NLGN1: variants seen among roughly 807,000 people sequenced by gnomAD.
NLGN1 encodes the protein neuroligin-1.
In NLGN1, 12 loss-of-function variants were observed where a neutral mutation model predicts 65.5. That is an observed-to-expected ratio of 0.18 (90% CI 0.12 to 0.30). The LOEUF is 0.30. Among genes scored for constraint, NLGN1 ranks in the 10% least tolerant of loss-of-function variants. The pLI is 1.00. For synonymous variants in NLGN1, 350 were observed against 359.5 expected (o/e 0.97, Z 0.30); for missense variants, 750 against 1,007.1 (o/e 0.74, Z 3.46).
chr3:173,591,597 G>A (rs1224522152), intron 2 of NLGN1, among the ~76,000 whole-genome samples: 9 of 152,130 alleles, frequency 5.9e-5, no homozygotes, highest in African/African-American at 1.9e-4. Context: ...CCTCCAAGGG[G>A]TCAAGATTGA....
intron 4 of NLGN1, among the ~76,000 whole-genome samples, chr3:174,093,629 CATTT>C (rs572992452): frequency 1.6e-3 from 237 of 152,242 alleles, no homozygotes; most frequent in African/African-American, 5.6e-3. Flanking sequence ...CCACAGGAAA[CATTT>C]ATTTAAGTTG....
Position 174,074,753 on chromosome 3 carries a change from G to A in NLGN1, c.647-200562G>A, listed in dbSNP as rs997089278. Reference sequence around the variant, plus strand: ...AACGTAGTTGTGGATGATTCTTAGCGTGTAAGGGGCACATCAGACCTTCTG... The same window carrying A: ...AACGTAGTTGTGGATGATTCTTAGCATGTAAGGGGCACATCAGACCTTCTG... On this transcript the variant is annotated intron_variant, in intron 4 of 6. Coordinates refer to ENST00000457714, the Ensembl canonical transcript of NLGN1. Among the ~76,000 whole-genome samples the A allele has an allele frequency of 3.3e-5, 5 of 152,170 alleles. No homozygotes were observed. In the South Asian group the frequency reaches 6.2e-4, roughly 19 times the overall value.
At chr3:173,861,872 C>G (rs1056421144) in intron 4 of NLGN1, among the ~76,000 whole-genome samples, 1 of 151,692 alleles carries the variant, frequency 6.6e-6, no homozygotes, top group Non-Finnish European at 1.5e-5. Flanking sequence ...GATTCTCATG[C>G]CTCAGCCTCC....
chr3:173,942,312 T>C (rs1746302202), intron 4 of NLGN1, among the ~76,000 whole-genome samples: 3 of 152,144 alleles, frequency 2.0e-5, no homozygotes, highest in Non-Finnish European at 2.9e-5. Flanking sequence ...TCACATCTAC[T>C]TAATTAATTT....
At chr3:173,926,385 C>T (rs1330669622) in intron 4 of NLGN1, among the ~76,000 whole-genome samples, 1 of 152,110 alleles carries the variant, frequency 6.6e-6, no homozygotes, top group Admixed American at 6.6e-5. Flanking sequence ...TCATCATTTT[C>T]CCTAACCACA....
At chr3:173,470,810 C>T (rs1335567063) in intron 2 of NLGN1, among the ~76,000 whole-genome samples, 2 of 152,020 alleles carry the variant, frequency 1.3e-5, no homozygotes, top group Admixed American at 1.3e-4. Flanking sequence ...TGATGAAAAC[C>T]CTTGTTTATT....
At chr3:173,684,069 GTTA>G (rs1260059530) in intron 3 of NLGN1, among the ~76,000 whole-genome samples, 4 of 150,608 alleles carry the variant, frequency 2.7e-5, no homozygotes, top group Non-Finnish European at 5.9e-5. Context: ...AAAGTATATT[GTTA>G]TTATTACTTA....
intron 4 of NLGN1, among the ~76,000 whole-genome samples, chr3:173,835,625 A>G (rs1459854862): frequency 2.3e-5 from 3 of 130,442 alleles, no homozygotes; most frequent in Non-Finnish European, 5.1e-5. Flanking sequence ...TCTCTCATCT[A>G]TGCCCTTGTT....
chr3:173,941,982 C>T (rs1373823478), intron 4 of NLGN1, among the ~76,000 whole-genome samples: 1 of 151,112 alleles, frequency 6.6e-6, no homozygotes, highest in African/African-American at 2.4e-5. Flanking sequence ...TGGCTGTTTA[C>T]TCCTAGTTAC....
intron 4 of NLGN1, among the ~76,000 whole-genome samples, chr3:174,001,826 A>G (rs1579686477): frequency 6.6e-6 from 1 of 152,244 alleles, no homozygotes; most frequent in Non-Finnish European, 1.5e-5. Context: ...TTTGCTTGTT[A>G]GGGGACATTT....
At chr3:174,129,300 G>A (rs1434728321) in intron 4 of NLGN1, among the ~76,000 whole-genome samples, 1 of 150,778 alleles carries the variant, frequency 6.6e-6, no homozygotes, top group African/African-American at 2.4e-5. Context: ...ATGAATAAAT[G>A]TGATTCAACT....
chr3:173,899,178 G>A (rs1736877405), intron 4 of NLGN1, among the ~76,000 whole-genome samples: 1 of 151,966 alleles, frequency 6.6e-6, no homozygotes, highest in Non-Finnish European at 1.5e-5. Flanking sequence ...TATTATTTTA[G>A]CAAAGGCAGA....
intron 4 of NLGN1, among the ~76,000 whole-genome samples, chr3:174,213,098 A>G (rs1297896944): frequency 6.6e-6 from 1 of 152,230 alleles, no homozygotes; most frequent in African/African-American, 2.4e-5. Context: ...TAGCATATTC[A>G]CAAACTCTGA....
chr3:173,967,576 A>G (rs1715166635), intron 4 of NLGN1, among the ~76,000 whole-genome samples: 1 of 152,174 alleles, frequency 6.6e-6, no homozygotes, highest in Non-Finnish European at 1.5e-5. Flanking sequence ...TCACATTACT[A>G]TATAATTTAG....
At chr3:173,540,194 G>A (rs1738610435) in intron 2 of NLGN1, among the ~76,000 whole-genome samples, 1 of 152,052 alleles carries the variant, frequency 6.6e-6, no homozygotes, top group African/African-American at 2.4e-5. Flanking sequence ...CCCTTATAGG[G>A]ACCATTCAGA....
Position 174,266,938 on chromosome 3 carries a change from C to T in NLGN1, c.647-8377C>T, listed in dbSNP as rs189512295. 2.0e-4 allele frequency among the ~76,000 whole-genome samples: 31 copies of T among 151,840 alleles called. No individual in the cohort carries two copies. The East Asian group carries it at 6.0e-3, about 29-fold the overall frequency. On this transcript the variant is annotated intron_variant, in intron 4 of 6. Transcript: ENST00000457714. ...ATGAAATAGGTGACAATAAAGAAAA[C>T]GTCAAATTTGTTAGTTGATTATAGC...
At chr3:173,713,539 T>C (rs1052057040) in intron 3 of NLGN1, among the ~76,000 whole-genome samples, 2 of 152,122 alleles carry the variant, frequency 1.3e-5, no homozygotes, top group Non-Finnish European at 2.9e-5. Context: ...CTTTTGAAAA[T>C]ATATATGTAA....
At chr3:174,226,469 T>G (rs75935924) in intron 4 of NLGN1, among the ~76,000 whole-genome samples, 3,708 of 152,210 alleles carry the variant, frequency 0.024, 171 homozygotes, top group African/African-American at 0.085. Flanking sequence ...GCATTTTTCT[T>G]GTACAAGTAG....
chr3:173,834,027 G>A (rs1723118031), intron 4 of NLGN1, among the ~76,000 whole-genome samples: 1 of 151,740 alleles, frequency 6.6e-6, no homozygotes, highest in Non-Finnish European at 1.5e-5. Flanking sequence ...TTAGTATGTA[G>A]AAAATAAGAC....
Sources: gnomAD v4.1 joint callset for allele counts (sites outside exome capture counted in the v4.1 genomes callset) on GRCh38, gnomAD v4.1.1 for gene constraint, MANE v1.5 for transcripts, NCBI Gene and HGNC (gene_info 2026-07-23, HGNC 2026-07-21) for gene names.